OSBP2: variants seen among roughly 807,000 people sequenced by gnomAD.
OSBP2 encodes oxysterol-binding protein 2.
OSBP2 carries 66 observed loss-of-function variants against 96.0 expected under a neutral mutation model. The observed-to-expected ratio is 0.69, with a 90% CI of 0.56 to 0.84. The LOEUF is 0.84. Ranked by LOEUF, OSBP2 falls within the 40% of genes least tolerant of loss-of-function variation. The pLI is 0.00. For missense variants in OSBP2, 1,038 were observed against 1,222.7 expected, an observed-to-expected ratio of 0.85 and a Z score of 2.25; for synonymous variants, 525 against 520.9, an observed-to-expected ratio of 1.01 and a Z score of -0.11.
chr22:30,706,841 A>G (rs976481623), intron 1 of OSBP2, among the ~76,000 whole-genome samples: 55 of 152,172 alleles, frequency 3.6e-4, no homozygotes, highest in African/African-American at 1.3e-3. Context: ...CTATCTGGGT[A>G]GGCTTAATCC....
intron 1 of OSBP2, among the ~76,000 whole-genome samples, chr22:30,702,601 G>A (rs1468308351): frequency 6.6e-6 from 1 of 152,174 alleles, no homozygotes; most frequent in Non-Finnish European, 1.5e-5. Context: ...GTGACAGAGT[G>A]AGACTCGGTC....
In OSBP2 at chr22:30,870,737, G is replaced by T; in HGVS notation, c.1107+55G>T. The T allele has an allele frequency of 6.3e-7, 1 of 1,578,946 alleles. No homozygotes were observed. ...GGGGCTCCCTGGCTCCAGCCCCGGG[G>T]TCCCTCGGTGGGTGACCAGGGTCAG... On this transcript the variant is annotated intron_variant, in intron 3 of 13. Coordinates refer to ENST00000332585, the MANE Select transcript of OSBP2 (RefSeq NM_030758.4). The surrounding 1 kb of genome is among the most constrained non-coding windows in gnomAD (Gnocchi z 4.1).
chr22:30,893,583 G>C lies in OSBP2; in HGVS notation c.2094+17G>C, dbSNP rs180749890. On this transcript the variant is annotated intron_variant, in intron 10 of 13. Transcript: ENST00000332585. ...ATCGACCAGGTCAGGGGCGCCCTTG[G>C]GGAGGGGGTGCATGGCCCGGGGGCT... 6.7e-4 allele frequency: 1,089 copies of C among 1,613,612 alleles called. 2 individuals carry two copies. The highest frequency in any genetic ancestry group is 1.3e-3 in the Admixed American group (77 of 60,032).
intron 2 of OSBP2, among the ~76,000 whole-genome samples, chr22:30,791,023 A>G (rs1304373526): frequency 6.6e-6 from 1 of 151,864 alleles, no homozygotes; most frequent in Admixed American, 6.6e-5. Flanking sequence ...TTGTTTTGTC[A>G]CCCAGGCTGG....
chr22:30,741,179 C>T lies in OSBP2; in HGVS notation c.663C>T (p.Ala221=), dbSNP rs748504126. 3 of 1,614,000 alleles carry T rather than the reference C, an allele frequency of 1.9e-6. No homozygotes were observed. In the South Asian group the frequency reaches 3.3e-5, roughly 18 times the overall value. The change falls in exon 2 of 14, where the codon GCC becomes GCT. Residue 221 remains alanine (A), a synonymous_variant. Coordinates refer to ENST00000332585, the MANE Select transcript of OSBP2 (RefSeq NM_030758.4). ...LSYYRNQGEM[A]HTCRGTINLS... Reference sequence around the variant, plus strand: ...CCTACAGAAATCAGGGTGAAATGGCCCACACGTGCCGTGGAACCATCAACC... The same window carrying T: ...CCTACAGAAATCAGGGTGAAATGGCTCACACGTGCCGTGGAACCATCAACC...
intron 1 of OSBP2, among the ~76,000 whole-genome samples, chr22:30,725,520 CA>C (rs1043013354): frequency 1.4e-5 from 2 of 144,934 alleles, no homozygotes; most frequent in African/African-American, 2.5e-5. Flanking sequence ...CCCCCTCCAC[CA>C]AAAAACAAAA....
Position 30,774,546 on chromosome 22 carries a change from C to T in OSBP2, c.853+33177C>T, listed in dbSNP as rs570233535. Among the ~76,000 whole-genome samples the T allele has an allele frequency of 4.5e-4, 69 of 152,290 alleles. 1 individual carries two copies. The South Asian group carries it at 5.8e-3, about 13-fold the overall frequency. ...TAAACATTTCTGCCTTTTAAGAAAA[C>T]GCTTCAAGTTTTGTAAAAATATTTG... On this transcript the variant is annotated intron_variant, in intron 2 of 13. Coordinates refer to ENST00000332585, the MANE Select transcript of OSBP2 (RefSeq NM_030758.4).
chr22:30,755,206 G>T (rs1208242385), intron 2 of OSBP2, among the ~76,000 whole-genome samples: 2 of 152,174 alleles, frequency 1.3e-5, no homozygotes, highest in African/African-American at 2.4e-5. Flanking sequence ...ACACCCACTG[G>T]GCATGCCAGA....
intron 2 of OSBP2, among the ~76,000 whole-genome samples, chr22:30,741,700 G>A (rs2089939263): frequency 6.6e-6 from 1 of 152,158 alleles, no homozygotes; most frequent in African/African-American, 2.4e-5. Context: ...CCTCAAGCCA[G>A]CCGTTTCCCC....
intron 2 of OSBP2, among the ~76,000 whole-genome samples, chr22:30,817,236 C>T (rs2091093648): frequency 6.6e-6 from 1 of 152,194 alleles, no homozygotes; most frequent in South Asian, 2.1e-4. Flanking sequence ...CTTTAAAGGG[C>T]TTCATTCTTA....
chr22:30,841,426 T>C (rs1333460536), intron 2 of OSBP2, among the ~76,000 whole-genome samples: 2 of 152,208 alleles, frequency 1.3e-5, no homozygotes, highest in African/African-American at 4.8e-5. Context: ...ATGTACAACC[T>C]TTGTGACTGG....
intron 12 of OSBP2, among the ~76,000 whole-genome samples, chr22:30,901,590 C>T (rs770493442): frequency 6.6e-5 from 10 of 152,008 alleles, no homozygotes; most frequent in South Asian, 2.1e-4. Context: ...TTCCACCAGG[C>T]GTGGTGGCTC....
rs112985829 is a variant in OSBP2 at position 30,739,242 on chromosome 22, T to C, written c.645-1919T>C. ...CTCCATCATCTTATAAGTCCGTTGT[T>C]ATGAGATTGCACTATGTTTGCCCAG... On this transcript the variant is annotated intron_variant, in intron 1 of 13. Transcript: ENST00000332585. Among the ~76,000 whole-genome samples, 991 of 152,322 alleles carry C rather than the reference T, an allele frequency of 6.5e-3. 10 individuals are homozygous for C. Among genetic ancestry groups the C allele is most frequent in the African/African-American group, 0.023 (938 of 41,564 alleles).
intron 2 of OSBP2, among the ~76,000 whole-genome samples, chr22:30,853,734 C>T (rs989649225): frequency 1.3e-5 from 2 of 150,652 alleles, no homozygotes; most frequent in East Asian, 1.9e-4. Context: ...TTTTTTTCTT[C>T]TACTAGCTCA....
chr22:30,873,441 C>T (rs2039504050), intron 3 of OSBP2, among the ~76,000 whole-genome samples: 1 of 152,146 alleles, frequency 6.6e-6, no homozygotes, highest in Non-Finnish European at 1.5e-5. Context: ...GGCTGCAGCC[C>T]CACCAGGGCC....
intron 2 of OSBP2, among the ~76,000 whole-genome samples, chr22:30,776,097 C>T (rs2090431738): frequency 6.8e-6 from 1 of 147,890 alleles, no homozygotes; most frequent in African/African-American, 2.5e-5. Flanking sequence ...TGCCCAGACT[C>T]ATTTTTCTTT....
chr22:30,778,332 CA>C (rs2090465731), intron 2 of OSBP2, among the ~76,000 whole-genome samples: 5 of 151,452 alleles, frequency 3.3e-5, no homozygotes, highest in African/African-American at 1.2e-4. Flanking sequence ...CACACACACA[CA>C]CCCACTGACA....
chr22:30,855,077 C>T (rs1569151561), intron 2 of OSBP2, among the ~76,000 whole-genome samples: 2 of 152,154 alleles, frequency 1.3e-5, no homozygotes, highest in African/African-American at 4.8e-5. Context: ...CCTCCCACGA[C>T]ATGTGGGGAT....
intron 4 of OSBP2, 118 bp from the exon 5 acceptor site, chr22:30,888,105 T>G: frequency 1.4e-6 from 1 of 715,654 alleles, no homozygotes; most frequent in Non-Finnish European, 2.5e-6. Flanking sequence ...CCCAGGTGAC[T>G]GAAGCAGGAG....
Sources: allele counts gnomAD v4.1 joint callset (sites outside exome capture counted in the v4.1 genomes callset), GRCh38; gene constraint gnomAD v4.1.1; non-coding constraint Gnocchi (gnomAD v3.1); transcripts MANE v1.5; gene names NCBI Gene and HGNC (gene_info 2026-07-23, HGNC 2026-07-21).